The following SVIL variants were observed in gnomAD, a reference collection of about 807,000 sequenced individuals.
SVIL encodes the protein supervillin.
In SVIL, 101 loss-of-function variants were observed where a neutral mutation model predicts 240.4. That is an observed-to-expected ratio of 0.42 (90% confidence interval 0.36 to 0.50). The LOEUF (loss-of-function observed/expected upper bound fraction) is 0.50. Ranked by LOEUF, SVIL falls within the 20% of genes least tolerant of loss-of-function variation. The pLI, the probability that SVIL is intolerant of heterozygous loss-of-function variation, is 0.01. For synonymous variants in SVIL, 999 were observed against 1,100.0 expected, an observed-to-expected ratio of 0.91 and a Z score of 1.82; for missense variants, 2,512 against 2,818.7, an observed-to-expected ratio of 0.89 and a Z score of 2.46.
chr10:29,617,591 AG>A (rs199676000), intron 1 of SVIL, among the ~76,000 whole-genome samples: 4 of 144,986 alleles, frequency 2.8e-5, no homozygotes, highest in African/African-American at 1.0e-4. Flanking sequence ...AAAAAAAAAA[AG>A]AAAGAAAGAA....
At chr10:29,684,870 G>C (rs556682499) in intron 2 of SVIL, among the ~76,000 whole-genome samples, 1 of 152,270 alleles carries the variant, frequency 6.6e-6, no homozygotes, top group South Asian at 2.1e-4. Flanking sequence ...GTAGAGTCAG[G>C]TTGGAATTTG....
intron 3 of SVIL, among the ~76,000 whole-genome samples, chr10:29,643,127 C>A (rs1262973755): frequency 6.6e-6 from 1 of 152,230 alleles, no homozygotes; most frequent in African/African-American, 2.4e-5. Context: ...ACATGCATCA[C>A]CAGCTCAAAT....
chr10:29,672,117 G>T (rs1409803409), intron 2 of SVIL, among the ~76,000 whole-genome samples: 1 of 152,056 alleles, frequency 6.6e-6, no homozygotes, highest in East Asian at 1.9e-4. Context: ...CTAGACCAGG[G>T]GTCAGCAAAC....
chr10:29,482,596 G>A (rs1343731403), intron 27 of SVIL, among the ~76,000 whole-genome samples: 1 of 143,340 alleles, frequency 7.0e-6, no homozygotes, highest in East Asian at 2.5e-4. Context: ...AGATCTTGAA[G>A]TGCCTTTTTG....
At chr10:29,681,402 G>T (rs1157789912) in intron 2 of SVIL, among the ~76,000 whole-genome samples, 1 of 115,644 alleles carries the variant, frequency 8.6e-6, no homozygotes, top group African/African-American at 3.7e-5. Flanking sequence ...TCTAAAGATG[G>T]AATGGTGTGT....
At chr10:29,472,538 C>CTGCTACTCAGCAAGTTAACTCTTAAT (rs1436293855) in intron 30 of SVIL, among the ~76,000 whole-genome samples, 2 of 152,230 alleles carry the variant, frequency 1.3e-5, no homozygotes, top group Admixed American at 1.3e-4. Context: ...TTCTTAATTG[C>CTGCTACTCAGCAAGTTAACTCTTAAT]TGCTACTCAG....
At chr10:29,678,696 T>G (rs1161561124) in intron 2 of SVIL, among the ~76,000 whole-genome samples, 4 of 152,190 alleles carry the variant, frequency 2.6e-5, no homozygotes. Context: ...CTAGCCTGAG[T>G]AAGAAGAATC....
At chr10:29,509,202 ACT>A (rs1949598575) in intron 17 of SVIL, among the ~76,000 whole-genome samples, 1 of 152,066 alleles carries the variant, frequency 6.6e-6, no homozygotes, top group Non-Finnish European at 1.5e-5. Context: ...ATGCTACGAG[ACT>A]CACACATGTT....
intron 3 of SVIL, among the ~76,000 whole-genome samples, chr10:29,656,121 G>C (rs928013435): frequency 2.0e-5 from 3 of 151,056 alleles, no homozygotes; most frequent in Non-Finnish European, 3.0e-5. Context: ...TGCCTGCCTC[G>C]GCCTCCCAAA....
intron 3 of SVIL, among the ~76,000 whole-genome samples, chr10:29,653,599 C>G: frequency 6.6e-6 from 1 of 151,774 alleles, no homozygotes; most frequent in South Asian, 2.1e-4. Context: ...GTCACTTGTC[C>G]TTTTGGTATC....
intron 1 of SVIL, among the ~76,000 whole-genome samples, chr10:29,726,737 A>G (rs1433406157): frequency 6.6e-6 from 1 of 151,488 alleles, no homozygotes; most frequent in African/African-American, 2.4e-5. Flanking sequence ...ATAAAGAAAG[A>G]CTCTAACTCA....
intron 27 of SVIL, chr10:29,482,845 T>C (rs1405217688): frequency 2.0e-5 from 3 of 152,488 alleles, no homozygotes; most frequent in Non-Finnish European, 4.4e-5. Flanking sequence ...CCATCTTCGG[T>C]TGTGAATCCG....
chr10:29,531,994 A>G lies in SVIL; in HGVS notation c.2009+8T>C, dbSNP rs762760999. 1.4e-5 allele frequency: 23 copies of G among 1,614,132 alleles called. No individual in the cohort carries two copies. Among genetic ancestry groups the G allele is most frequent in the Non-Finnish European group, 1.6e-5 (19 of 1,179,966 alleles). ...CTGGATGAGGAAACTGCGCATACGC[A>G]TGCCTACCTATCCGATTCCTTTCGT... is the stretch of plus-strand genomic sequence containing the variant. On this transcript the variant is annotated splice_region_variant and intron_variant, in intron 9 of 37. Coordinates refer to ENST00000355867, the MANE Select transcript of SVIL (RefSeq NM_021738.3).
chr10:29,477,407 G>C (rs1325710509), intron 29 of SVIL, among the ~76,000 whole-genome samples: 2 of 152,312 alleles, frequency 1.3e-5, no homozygotes, highest in South Asian at 2.1e-4. Context: ...CAGCTGTCGC[G>C]ACCCTGCTGG....
intron 17 of SVIL, 125 bp downstream of exon 17, chr10:29,512,610 A>T: frequency 6.5e-7 from 1 of 1,531,088 alleles, no homozygotes; most frequent in South Asian, 1.2e-5. Flanking sequence ...CTCAGTGTGT[A>T]CCCTAAGGGC....
chr10:29,694,016 T>C (rs1961726787), intron 1 of SVIL, among the ~76,000 whole-genome samples: 1 of 152,078 alleles, frequency 6.6e-6, no homozygotes, highest in Non-Finnish European at 1.5e-5. Flanking sequence ...CTAGATCCTA[T>C]GATGGGCTAA....
intron 29 of SVIL, among the ~76,000 whole-genome samples, chr10:29,477,861 A>C: frequency 6.6e-6 from 1 of 152,302 alleles, no homozygotes. Context: ...CCCGGCTCAA[A>C]TCATATTTCC....
chr10:29,581,260 G>C (rs1236164441), intron 1 of SVIL, among the ~76,000 whole-genome samples: 1 of 152,166 alleles, frequency 6.6e-6, no homozygotes, highest in Non-Finnish European at 1.5e-5. Flanking sequence ...TGCCTGACCT[G>C]AGAAAATTGC....
chr10:29,490,791 G>A, intron 22 of SVIL, 56 bp downstream of exon 22: 6 of 1,599,488 alleles, frequency 3.8e-6, no homozygotes, highest in Non-Finnish European at 5.1e-6. Context: ...AATGAGTAGA[G>A]CATCGGAAGA....
Sources: allele counts gnomAD v4.1 joint callset (sites outside exome capture counted in the v4.1 genomes callset), GRCh38; gene constraint gnomAD v4.1.1; transcripts MANE v1.5; gene names NCBI Gene and HGNC (gene_info 2026-07-23, HGNC 2026-07-21).